Variants in MAPK10 observed in about 807,000 individuals in gnomAD.
MAPK10 encodes the protein JNK3 alpha protein kinase.
MAPK10 carries 25 observed loss-of-function variants against 59.3 expected under a neutral mutation model. The ratio of observed to expected loss-of-function variants is 0.42; its 90% CI spans 0.31 to 0.59. The LOEUF is 0.59. Ranked by LOEUF, MAPK10 falls within the 20% of genes least tolerant of loss-of-function variation. MAPK10 has a pLI of 0.15. For synonymous variants in MAPK10, 190 were observed against 200.5 expected (o/e 0.95, Z 0.44); for missense variants, 351 against 568.9 (o/e 0.62, Z 3.90).
At chr4:86,392,510 T>C (rs1432497753) in intron 1 of MAPK10, 5 of 151,836 alleles carry the variant, frequency 3.3e-5, no homozygotes, top group African/African-American at 1.2e-4. Flanking sequence ...AAGACACACC[T>C]GTTCAGTTAC....
chr4:86,323,182 A>C (rs559403948), intron 2 of MAPK10, among the ~76,000 whole-genome samples: 1 of 152,342 alleles, frequency 6.6e-6, no homozygotes, highest in East Asian at 1.9e-4. Flanking sequence ...CCTCCGTCTC[A>C]AAGATAAATA....
intron 2 of MAPK10, among the ~76,000 whole-genome samples, chr4:86,265,930 G>A (rs778845603): frequency 7.9e-5 from 12 of 152,090 alleles, no homozygotes; most frequent in Middle Eastern, 3.2e-3. Context: ...GAGGATTAAC[G>A]ACTTTTCCAA....
chr4:86,543,949 A>G (rs1217411443), intron 1 of MAPK10, among the ~76,000 whole-genome samples: 1 of 152,278 alleles, frequency 6.6e-6, no homozygotes, highest in Non-Finnish European at 1.5e-5. Context: ...ATGACTCTGC[A>G]TACTGGGTAT....
At chr4:86,379,376 T>C (rs1740324679) in intron 1 of MAPK10, among the ~76,000 whole-genome samples, 1 of 152,168 alleles carries the variant, frequency 6.6e-6, no homozygotes, top group African/African-American at 2.4e-5. Context: ...GAATTGGAGC[T>C]TTGGGGGTTT....
intron 3 of MAPK10, among the ~76,000 whole-genome samples, chr4:86,181,067 C>T (rs902817922): frequency 6.6e-6 from 1 of 151,930 alleles, no homozygotes; most frequent in Non-Finnish European, 1.5e-5. Context: ...GATTACTATA[C>T]ATTATATGTA....
intron 1 of MAPK10, among the ~76,000 whole-genome samples, chr4:86,435,253 T>G (rs1208921962): frequency 6.6e-6 from 1 of 152,030 alleles, no homozygotes; most frequent in Non-Finnish European, 1.5e-5. Flanking sequence ...TCCCAGCACT[T>G]TGGGAGGCTG....
At chr4:86,560,753 T>C (rs1022872994) in intron 1 of MAPK10, among the ~76,000 whole-genome samples, 2 of 152,252 alleles carry the variant, frequency 1.3e-5, no homozygotes, top group Admixed American at 6.5e-5. Context: ...GACCCCAGGA[T>C]AGGAATCTTG....
At chr4:86,025,989 A>AT (rs1749989141) in intron 13 of MAPK10, among the ~76,000 whole-genome samples, 1 of 152,202 alleles carries the variant, frequency 6.6e-6, no homozygotes, top group Non-Finnish European at 1.5e-5. Flanking sequence ...TGGGCCTGAG[A>AT]TTTTTTAATA....
chr4:86,569,755 C>T (rs1761322865), intron 1 of MAPK10, among the ~76,000 whole-genome samples: 1 of 151,994 alleles, frequency 6.6e-6, no homozygotes, highest in Non-Finnish European at 1.5e-5. Context: ...ACAGTGGGTA[C>T]ACGTGGACAT....
chr4:86,172,988 G>T (rs970446012), intron 3 of MAPK10, among the ~76,000 whole-genome samples: 2 of 151,596 alleles, frequency 1.3e-5, no homozygotes, highest in African/African-American at 2.4e-5. Flanking sequence ...AAATGGAAAA[G>T]TATTCCATCC....
intron 4 of MAPK10, among the ~76,000 whole-genome samples, chr4:86,123,492 G>A (rs957371216): frequency 7.9e-5 from 12 of 151,926 alleles, no homozygotes; most frequent in Admixed American, 2.0e-4. Context: ...CATAATGGCC[G>A]TATTAATCAC....
intron 2 of MAPK10, among the ~76,000 whole-genome samples, chr4:86,231,546 C>A (rs929877496): frequency 1.3e-5 from 2 of 151,826 alleles, no homozygotes; most frequent in African/African-American, 4.8e-5. Flanking sequence ...ACCTGTAGTC[C>A]CAGCTACTCG....
chr4:86,085,229 A>G (rs115297310), intron 9 of MAPK10, among the ~76,000 whole-genome samples: 3,980 of 152,288 alleles, frequency 0.026, 174 homozygotes, highest in African/African-American at 0.091. Context: ...CAAGCAACCA[A>G]AGTAAAAATG....
At chr4:86,481,967 C>G (rs1047445123) in intron 1 of MAPK10, among the ~76,000 whole-genome samples, 1 of 151,998 alleles carries the variant, frequency 6.6e-6, no homozygotes, top group African/African-American at 2.4e-5. Context: ...AAAGGAAAAG[C>G]CACTGGAAAG....
chr4:86,028,859 C>CTCCACA, intron 13 of MAPK10: 1 of 335,814 alleles, frequency 3.0e-6, no homozygotes, highest in Non-Finnish European at 5.7e-6. Context: ...GATTACTGAG[C>CTCCACA]TCCACATTGA....
At chr4:86,517,155 A>C (rs1422119970) in intron 1 of MAPK10, among the ~76,000 whole-genome samples, 1 of 151,898 alleles carries the variant, frequency 6.6e-6, no homozygotes, top group Admixed American at 6.6e-5. Flanking sequence ...CTTTTTCTGC[A>C]TCTATTAAGA....
At chr4:86,200,179 A>G (rs918702341) in intron 2 of MAPK10, among the ~76,000 whole-genome samples, 2 of 152,064 alleles carry the variant, frequency 1.3e-5, no homozygotes, top group Admixed American at 1.3e-4. Context: ...TTTTTAACAA[A>G]ATAGTTTTGA....
At chr4:86,459,066 A>G (rs1463299614) in intron 1 of MAPK10, among the ~76,000 whole-genome samples, 1 of 152,186 alleles carries the variant, frequency 6.6e-6, no homozygotes, top group Admixed American at 6.5e-5. Context: ...ATTAGCAAGA[A>G]AAAAAACAAA....
At chr4:86,307,428 T>G (rs1239266553) in intron 2 of MAPK10, among the ~76,000 whole-genome samples, 1 of 152,100 alleles carries the variant, frequency 6.6e-6, no homozygotes, top group Non-Finnish European at 1.5e-5. Context: ...GAACCAGTGT[T>G]ATAAAATGTG....
Sources: gnomAD v4.1 joint callset for allele counts (sites outside exome capture counted in the v4.1 genomes callset) on GRCh38, gnomAD v4.1.1 for gene constraint, MANE v1.5 for transcripts, NCBI Gene and HGNC (gene_info 2026-07-23, HGNC 2026-07-21) for gene names.